DSE: variants seen among roughly 807,000 people sequenced by gnomAD.
DSE encodes dermatan-sulfate epimerase.
DSE carries 36 observed loss-of-function variants against 84.4 expected under a neutral mutation model. The observed-to-expected ratio is 0.43, with a 90% CI of 0.33 to 0.56. The LOEUF is 0.56. Among genes scored for constraint, DSE ranks in the 20% least tolerant of loss-of-function variants. The pLI is 0.06. For synonymous variants in DSE, 410 were observed against 430.1 expected, an observed-to-expected ratio of 0.95 and a Z score of 0.58; for missense variants, 862 against 1,169.6, an observed-to-expected ratio of 0.74 and a Z score of 3.84.
At chr6:116,368,853 A>G (rs2114904677), upstream of DSE, among the ~76,000 whole-genome samples, 1 of 146,338 alleles carries the variant, frequency 6.8e-6, no homozygotes, top group South Asian at 2.3e-4. Flanking sequence ...CTCCTGTGGA[A>G]TCAAGGCTAG....
intron 2 of DSE, among the ~76,000 whole-genome samples, chr6:116,365,030 G>GT (rs1779086448): frequency 6.6e-6 from 1 of 151,678 alleles, no homozygotes; most frequent in Admixed American, 6.6e-5. Flanking sequence ...TAGAGATGGG[G>GT]TTTTGCCATG....
intron 2 of DSE, among the ~76,000 whole-genome samples, chr6:116,316,611 T>G (rs958397892): frequency 2.4e-4 from 37 of 151,818 alleles, no homozygotes; most frequent in African/African-American, 8.2e-4. Flanking sequence ...TCCCCTCAAC[T>G]CATGAAATAA....
At chr6:116,286,564 A>C (rs1040137276) in intron 2 of DSE, among the ~76,000 whole-genome samples, 1 of 152,198 alleles carries the variant, frequency 6.6e-6, no homozygotes, top group Non-Finnish European at 1.5e-5. Flanking sequence ...TGAAATTTAT[A>C]GATAATATAA....
At chr6:116,292,421 T>C (rs1045620988) in intron 2 of DSE, among the ~76,000 whole-genome samples, 1 of 152,142 alleles carries the variant, frequency 6.6e-6, no homozygotes, top group Non-Finnish European at 1.5e-5. Context: ...CATGGGTGTC[T>C]TTAGTGAGAG....
At chr6:116,370,917 C>T, upstream of DSE, 1 of 985,484 alleles carries the variant, frequency 1.0e-6, no homozygotes, top group African/African-American at 1.7e-5. Flanking sequence ...CTTTCGCCCA[C>T]ACCTACCCGC....
At chr6:116,417,757 C>G (rs1741743144) in intron 2 of DSE, among the ~76,000 whole-genome samples, 1 of 152,190 alleles carries the variant, frequency 6.6e-6, no homozygotes, top group African/African-American at 2.4e-5. Context: ...GTTCATCCTT[C>G]TAGCAATTGT....
chr6:116,386,168 A>T (rs968009322), intron 1 of DSE, among the ~76,000 whole-genome samples: 1 of 152,196 alleles, frequency 6.6e-6, no homozygotes, highest in Non-Finnish European at 1.5e-5. Flanking sequence ...TCTGGGTGTA[A>T]GTCAGAGAAA....
chr6:116,386,779 T>C (rs1343635456), intron 1 of DSE, among the ~76,000 whole-genome samples: 1 of 152,208 alleles, frequency 6.6e-6, no homozygotes, highest in African/African-American at 2.4e-5. Flanking sequence ...TCGTCTCTCA[T>C]GAGCTGGTAA....
chr6:116,279,952 T>C, intron 2 of DSE: 1 of 1,426,332 alleles, frequency 7.0e-7, no homozygotes, highest in Non-Finnish European at 9.9e-7. Flanking sequence ...GGCGGTGTCG[T>C]CAGGACTGGA....
At chr6:116,271,512 T>C (rs1171691206) in intron 2 of DSE, among the ~76,000 whole-genome samples, 1 of 152,168 alleles carries the variant, frequency 6.6e-6, no homozygotes, top group Non-Finnish European at 1.5e-5. Flanking sequence ...CCCCAGGGAA[T>C]GTCAATCCTA....
chr6:116,400,562 G>C (rs902945277), intron 2 of DSE: 3 of 152,158 alleles, frequency 2.0e-5, no homozygotes, highest in African/African-American at 7.2e-5. Context: ...TCACAGGGGT[G>C]AAGGATGGTG....
intron 1 of DSE, among the ~76,000 whole-genome samples, chr6:116,372,163 C>G (rs1437361777): frequency 1.3e-5 from 2 of 152,014 alleles, no homozygotes; most frequent in African/African-American, 4.8e-5. Flanking sequence ...TAAGTAATTC[C>G]CTCAAGTTTT....
chr6:116,311,688 G>A (rs1185526387), intron 2 of DSE, among the ~76,000 whole-genome samples: 1 of 152,178 alleles, frequency 6.6e-6, no homozygotes, highest in Non-Finnish European at 1.5e-5. Flanking sequence ...TTCCTGCTCT[G>A]GGCCTTTGCA....
chr6:116,416,710 T>C (rs905409306), intron 2 of DSE, among the ~76,000 whole-genome samples: 1 of 152,096 alleles, frequency 6.6e-6, no homozygotes, highest in Non-Finnish European at 1.5e-5. Flanking sequence ...CTGGCTATTC[T>C]TGCATGTTTA....
At chr6:116,307,508 C>G (rs1352637991) in intron 2 of DSE, among the ~76,000 whole-genome samples, 1 of 152,062 alleles carries the variant, frequency 6.6e-6, no homozygotes, top group Non-Finnish European at 1.5e-5. Context: ...TGGATATGAA[C>G]TAGACAATAA....
At chr6:116,403,263 G>C (rs946550231) in intron 2 of DSE, among the ~76,000 whole-genome samples, 7 of 152,076 alleles carry the variant, frequency 4.6e-5, no homozygotes. Flanking sequence ...TACAGTAAAA[G>C]TAACAGAGTA....
At chr6:116,286,810 T>C (rs1193608619) in intron 2 of DSE, among the ~76,000 whole-genome samples, 1 of 152,146 alleles carries the variant, frequency 6.6e-6, no homozygotes, top group Non-Finnish European at 1.5e-5. Flanking sequence ...TTTTCTGAAA[T>C]GGTGACCCAA....
chr6:116,388,667 A>G (rs1365048514), intron 1 of DSE, among the ~76,000 whole-genome samples: 1 of 152,256 alleles, frequency 6.6e-6, no homozygotes, highest in Non-Finnish European at 1.5e-5. Context: ...ATTTTAAAAA[A>G]TTATATTTAA....
At chr6:116,336,146 TTTAATG>T (rs2114804201) in intron 2 of DSE, among the ~76,000 whole-genome samples, 1 of 152,370 alleles carries the variant, frequency 6.6e-6, no homozygotes, top group South Asian at 2.1e-4. Context: ...TTTGACTACA[TTTAATG>T]TAAATCTGTT....
Sources: gnomAD v4.1 joint callset for allele counts (sites outside exome capture counted in the v4.1 genomes callset) on GRCh38, gnomAD v4.1.1 for gene constraint, MANE v1.5 for transcripts, NCBI Gene and HGNC (gene_info 2026-07-23, HGNC 2026-07-21) for gene names.